DCDC2: variants seen among roughly 807,000 people sequenced by gnomAD.
DCDC2 encodes doublecortin domain-containing protein 2.
A neutral mutation model predicts 50.2 loss-of-function variants in DCDC2; 40 were observed. The ratio of observed to expected loss-of-function variants is 0.80; its 90% CI spans 0.62 to 1.04. The LOEUF (loss-of-function observed/expected upper bound fraction) is 1.04. DCDC2 is among the 50% of genes least tolerant of loss of function. The pLI, the probability that DCDC2 is intolerant of heterozygous loss-of-function variation, is 0.00. For synonymous variants in DCDC2, 234 were observed against 210.6 expected (o/e 1.11, Z -0.96); for missense variants, 570 against 581.9 (o/e 0.98, Z 0.21).
At chr6:24,204,854 T>C in intron 8 of DCDC2, 148 bp downstream of exon 8, 1 of 705,454 alleles carries the variant, frequency 1.4e-6, no homozygotes, top group Non-Finnish European at 2.3e-6. Flanking sequence ...AATGGTGTTT[T>C]GTTATGTTTT....
At position 24,284,443 on chromosome 6, in the gene DCDC2, TA is replaced by T. The variant is rs752153479; in HGVS notation, c.759+4408del. On this transcript the variant is annotated intron_variant, in intron 6 of 9. Coordinates refer to ENST00000378454, the MANE Select transcript of DCDC2 (RefSeq NM_016356.5). ...CAAGATGGTGAAACCCCGTCTCTAC[TA>T]AAAAAAAAAATACAAAAATTAGCCA... Among the ~76,000 whole-genome samples the T allele has an allele frequency of 3.5e-3, 504 of 143,396 alleles. 5 individuals carry two copies. Among genetic ancestry groups the T allele is most frequent in the Admixed American group, 0.022 (322 of 14,396 alleles). 94.1% of individuals were successfully genotyped at this position (143,396 alleles called of 152,430 possible). A position where few individuals can be genotyped will look rare whatever the true frequency, so the allele number is the denominator to read the frequency against.
the DCDC2 span, among the ~76,000 whole-genome samples, chr6:24,375,079 T>C: frequency 4.6e-5 from 7 of 152,280 alleles, no homozygotes; most frequent in African/African-American, 9.6e-5. Context: ...GGCCCCACTC[T>C]TCATCTGCTG....
chr6:24,235,481 G>C (rs1159191137), intron 7 of DCDC2, among the ~76,000 whole-genome samples: 1 of 152,182 alleles, frequency 6.6e-6, no homozygotes, highest in Non-Finnish European at 1.5e-5. Context: ...TGGGATGCAA[G>C]TTTGATTCAA....
chr6:24,210,979 C>T (rs567767493), intron 7 of DCDC2, among the ~76,000 whole-genome samples: 1 of 152,324 alleles, frequency 6.6e-6, no homozygotes, highest in South Asian at 2.1e-4. Flanking sequence ...AGTTCTTTCC[C>T]CATTTTCACA....
upstream of DCDC2, among the ~76,000 whole-genome samples, chr6:24,359,488 A>ATT (rs71002485): frequency 0.95 from 74,813 of 79,102 alleles, 35,513 homozygotes; most frequent in East Asian, 0.99. Flanking sequence ...TTTTATATAT[A>ATT]ATATATTATA....
At chr6:24,344,282 G>A (rs1269741546) in intron 2 of DCDC2, among the ~76,000 whole-genome samples, 3 of 152,166 alleles carry the variant, frequency 2.0e-5, no homozygotes, top group East Asian at 3.8e-4. Context: ...TATGCTAAGT[G>A]AAATAAGTCA....
intron 2 of DCDC2, among the ~76,000 whole-genome samples, chr6:24,315,460 A>G (rs1759643913): frequency 6.6e-6 from 1 of 152,086 alleles, no homozygotes; most frequent in Admixed American, 6.6e-5. Context: ...TGTACCTCCT[A>G]GTTTATTTAC....
intron 8 of DCDC2, among the ~76,000 whole-genome samples, chr6:24,191,243 C>T (rs1363906554): frequency 6.6e-6 from 1 of 152,188 alleles, no homozygotes; most frequent in Non-Finnish European, 1.5e-5. Flanking sequence ...AGTTCTTCAT[C>T]TTACTTAACT....
chr6:24,322,325 C>A (rs1358798071), intron 2 of DCDC2, among the ~76,000 whole-genome samples: 1 of 152,040 alleles, frequency 6.6e-6, no homozygotes, highest in African/African-American at 2.4e-5. Context: ...TTTGACCTTG[C>A]ATATCGTGAC....
chr6:24,219,985 T>C (rs781309207), intron 7 of DCDC2, among the ~76,000 whole-genome samples: 5 of 152,200 alleles, frequency 3.3e-5, no homozygotes, highest in Non-Finnish European at 7.3e-5. Context: ...CCAAGGATAA[T>C]TCTGTCCTGT....
chr6:24,211,344 A>G (rs190345226), intron 7 of DCDC2, among the ~76,000 whole-genome samples: 8 of 152,314 alleles, frequency 5.3e-5, no homozygotes, highest in Non-Finnish European at 1.0e-4. Context: ...GAGAAAGAAG[A>G]CAGATTGAGG....
At chr6:24,301,397 A>T (rs931766653) in intron 4 of DCDC2, among the ~76,000 whole-genome samples, 2 of 138,398 alleles carry the variant, frequency 1.4e-5, no homozygotes, top group Non-Finnish European at 3.2e-5. Context: ...AAAAAAAGTT[A>T]AGGGGCTGGC....
At chr6:24,235,314 A>C (rs1445095190) in intron 7 of DCDC2, among the ~76,000 whole-genome samples, 1 of 152,224 alleles carries the variant, frequency 6.6e-6, no homozygotes, top group Non-Finnish European at 1.5e-5. Context: ...CAAGCAGGAA[A>C]GATCCTCTTT....
At chr6:24,283,129 T>C (rs760108454) in intron 6 of DCDC2, among the ~76,000 whole-genome samples, 30 of 152,206 alleles carry the variant, frequency 2.0e-4, no homozygotes, top group Non-Finnish European at 8.8e-5. Flanking sequence ...TCTTTTCCGA[T>C]AGAGGGTGCT....
chr6:24,251,468 C>A (rs542891154), intron 7 of DCDC2, among the ~76,000 whole-genome samples: 3 of 152,298 alleles, frequency 2.0e-5, no homozygotes, highest in African/African-American at 4.8e-5. Flanking sequence ...TAATTCCTCA[C>A]AAACCTCCTG....
At chr6:24,259,469 A>G (rs1762963965) in intron 7 of DCDC2, among the ~76,000 whole-genome samples, 1 of 152,222 alleles carries the variant, frequency 6.6e-6, no homozygotes, top group Non-Finnish European at 1.5e-5. Flanking sequence ...GTATATGAAA[A>G]TAACATTATA....
intron 7 of DCDC2, among the ~76,000 whole-genome samples, chr6:24,262,783 C>CAG (rs1335144892): frequency 1.3e-5 from 2 of 152,194 alleles, no homozygotes; most frequent in Non-Finnish European, 2.9e-5. Context: ...CTTGGGCCAG[C>CAG]AGGGAGAAAA....
At chr6:24,193,668 T>C (rs1761359267) in intron 8 of DCDC2, among the ~76,000 whole-genome samples, 1 of 151,986 alleles carries the variant, frequency 6.6e-6, no homozygotes, top group East Asian at 1.9e-4. Flanking sequence ...ATTTACATAG[T>C]AGAAATAATG....
At chr6:24,315,798 T>G (rs1049768914) in intron 2 of DCDC2, among the ~76,000 whole-genome samples, 4 of 152,078 alleles carry the variant, frequency 2.6e-5, no homozygotes, top group Non-Finnish European at 5.9e-5. Flanking sequence ...TAGACTCCAC[T>G]GCAGATTTTT....
Sources: allele counts gnomAD v4.1 joint callset (sites outside exome capture counted in the v4.1 genomes callset), GRCh38; gene constraint gnomAD v4.1.1; transcripts MANE v1.5; gene names NCBI Gene and HGNC (gene_info 2026-07-23, HGNC 2026-07-21).